The following ZBTB20 variants were observed in gnomAD, a reference collection of about 807,000 sequenced individuals.
ZBTB20 encodes the protein zinc finger and BTB domain-containing protein 20.
ZBTB20 carries 9 observed loss-of-function variants against 56.9 expected under a neutral mutation model. The ratio of observed to expected loss-of-function variants is 0.16; its 90% CI spans 0.10 to 0.28. The LOEUF is 0.28. ZBTB20 is among the 10% of genes least tolerant of loss of function. The pLI, the probability that ZBTB20 is intolerant of heterozygous loss-of-function variation, is 1.00. For synonymous variants in ZBTB20, 417 were observed against 420.7 expected, an observed-to-expected ratio of 0.99 and a Z score of 0.11; for missense variants, 655 against 1,003.0, an observed-to-expected ratio of 0.65 and a Z score of 4.69.
At chr3:114,426,936 T>C (rs538474300) in intron 7 of ZBTB20, among the ~76,000 whole-genome samples, 2 of 152,340 alleles carry the variant, frequency 1.3e-5, no homozygotes, top group East Asian at 3.9e-4. Flanking sequence ...CAAATTGGTA[T>C]AAAAAACAAA....
chr3:114,636,730 A>C (rs935243901), intron 6 of ZBTB20, among the ~76,000 whole-genome samples: 2 of 152,048 alleles, frequency 1.3e-5, no homozygotes, highest in Non-Finnish European at 2.9e-5. Context: ...ATCAAATCAC[A>C]AAAAAAGACA....
At chr3:114,427,889 A>G (rs1231991114) in intron 7 of ZBTB20, among the ~76,000 whole-genome samples, 2 of 152,198 alleles carry the variant, frequency 1.3e-5, no homozygotes, top group Non-Finnish European at 2.9e-5. Flanking sequence ...GGGAGAGGTT[A>G]TTGTTTGAAT....
intron 5 of ZBTB20, among the ~76,000 whole-genome samples, chr3:114,790,634 A>AT (rs2070886841): frequency 6.6e-6 from 1 of 151,608 alleles, no homozygotes; most frequent in African/African-American, 2.4e-5. Context: ...GTATTACTAA[A>AT]TTTTTACACA....
intron 7 of ZBTB20, among the ~76,000 whole-genome samples, chr3:114,434,568 G>GTGTGTGTGTGTGTGTGTGTGTGTA (rs2090380609): frequency 6.6e-6 from 1 of 151,718 alleles, no homozygotes; most frequent in African/African-American, 2.4e-5. Context: ...TTGTGTGTGT[G>GTGTGTGTGTGTGTGTGTGTGTGTA]TGTGTGTGTA....
intron 5 of ZBTB20, among the ~76,000 whole-genome samples, chr3:114,703,312 A>T (rs992030214): frequency 6.6e-6 from 1 of 152,186 alleles, no homozygotes; most frequent in African/African-American, 2.4e-5. Flanking sequence ...ATGGTAGACT[A>T]ATGACAGAAA....
intron 4 of ZBTB20, among the ~76,000 whole-genome samples, chr3:114,806,823 T>C (rs1430614939): frequency 6.6e-6 from 1 of 152,022 alleles, no homozygotes; most frequent in Non-Finnish European, 1.5e-5. Flanking sequence ...TATTCATTTA[T>C]ATCGCATATA....
At chr3:114,799,842 C>T (rs1041421981) in intron 5 of ZBTB20, among the ~76,000 whole-genome samples, 7 of 151,988 alleles carry the variant, frequency 4.6e-5, no homozygotes, top group Middle Eastern at 3.4e-3. Context: ...CGTGCATCAT[C>T]GCTTAACAAA....
At chr3:114,931,366 G>C in intron 3 of ZBTB20, 1 of 242,486 alleles carries the variant, frequency 4.1e-6, no homozygotes, top group Non-Finnish European at 8.3e-6. Flanking sequence ...TAGACTCCCA[G>C]AAAACCCTAA....
chr3:114,803,839 G>GA (rs2071899368), intron 4 of ZBTB20, among the ~76,000 whole-genome samples: 1 of 64,776 alleles, frequency 1.5e-5, no homozygotes, highest in Admixed American at 1.9e-4. Flanking sequence ...CTTTAAAATA[G>GA]ATTTCAGAGT....
At chr3:114,581,962 A>G (rs954171882) in intron 6 of ZBTB20, among the ~76,000 whole-genome samples, 15 of 152,200 alleles carry the variant, frequency 9.9e-5, no homozygotes, top group Non-Finnish European at 1.3e-4. Context: ...GTGATTGGGA[A>G]ACAATTAAAA....
chr3:114,497,277 A>G (rs968993074), intron 7 of ZBTB20, among the ~76,000 whole-genome samples: 1 of 152,042 alleles, frequency 6.6e-6, no homozygotes, highest in Non-Finnish European at 1.5e-5. Context: ...TAAAACATAC[A>G]TCTGCTTACA....
At chr3:115,117,703 T>A (rs2108639068) in intron 1 of ZBTB20, among the ~76,000 whole-genome samples, 1 of 152,276 alleles carries the variant, frequency 6.6e-6, no homozygotes, top group South Asian at 2.1e-4. Context: ...ATACAATATT[T>A]AGTTATGTAA....
Position 114,607,303 on chromosome 3 carries a change from A to ATTT in ZBTB20, c.-295+86222_-295+86224dup, listed in dbSNP as rs34327675. ...AGAAAAAGCATAAAACTGTTCATTC[A>ATTT]TTTTTTTTTTTTTTTTGAGACAGAG... On this transcript the variant is annotated intron_variant, in intron 6 of 11. Transcript: ENST00000675478. Among the ~76,000 whole-genome samples the ATTT allele has an allele frequency of 4.2e-4, 57 of 135,628 alleles. 1 individual carries two copies. Among genetic ancestry groups the ATTT allele is most frequent in the South Asian group, 3.3e-3 (14 of 4,222 alleles). The allele number at this position is 135,628 out of a possible 152,430, so 89.0% of individuals were successfully genotyped here.
In ZBTB20 at chr3:114,321,589, G is replaced by A. The variant is rs1328749155; in HGVS notation, c.*17416C>T. 6.6e-6 allele frequency: 1 copy of A among 152,056 alleles called. No individual in the cohort carries two copies. Among genetic ancestry groups the A allele is most frequent in the Non-Finnish European group, 1.5e-5 (1 of 68,002 alleles). 9.4% of individuals were successfully genotyped at this position (152,056 alleles called of 1,614,324 possible). A position where few individuals can be genotyped will look rare whatever the true frequency, so the allele number is the denominator to read the frequency against. On this transcript the variant is annotated 3_prime_UTR_variant, in exon 12 of 12. Transcript: ENST00000675478. ...CTAATTCACACAGATGGTTCCATATGGAAACAAAAAATAAAGAGAAAGAAC... is the reference window on the plus strand; with the variant it reads ...CTAATTCACACAGATGGTTCCATATAGAAACAAAAAATAAAGAGAAAGAAC...
chr3:114,451,163 T>G (rs1576818770), intron 7 of ZBTB20, among the ~76,000 whole-genome samples: 1 of 148,636 alleles, frequency 6.7e-6, no homozygotes, highest in Non-Finnish European at 1.5e-5. Flanking sequence ...CACAGACACA[T>G]CGTTCACTAT....
intron 2 of ZBTB20, among the ~76,000 whole-genome samples, chr3:115,040,606 GA>G (rs1338471706): frequency 1.3e-5 from 2 of 152,134 alleles, no homozygotes; most frequent in Non-Finnish European, 2.9e-5. Flanking sequence ...ATAAAGTATG[GA>G]AAGAGTGAAA....
intron 6 of ZBTB20, among the ~76,000 whole-genome samples, chr3:114,593,690 A>G (rs2056031251): frequency 1.3e-5 from 2 of 151,848 alleles, no homozygotes; most frequent in African/African-American, 2.4e-5. Context: ...GGCCTAGGAG[A>G]TTTTGGAATA....
chr3:114,655,455 T>C, intron 6 of ZBTB20, among the ~76,000 whole-genome samples: 1 of 151,478 alleles, frequency 6.6e-6, no homozygotes, highest in Non-Finnish European at 1.5e-5. Flanking sequence ...GGTTTCACCT[T>C]GTTAGCCAGG....
intron 6 of ZBTB20, among the ~76,000 whole-genome samples, chr3:114,508,352 G>T (rs954647644): frequency 6.6e-6 from 1 of 152,140 alleles, no homozygotes; most frequent in Non-Finnish European, 1.5e-5. Flanking sequence ...ACAGCACAGG[G>T]TTAGATGAAC....
Sources: allele counts gnomAD v4.1 joint callset (sites outside exome capture counted in the v4.1 genomes callset), GRCh38; gene constraint gnomAD v4.1.1; transcripts MANE v1.5; gene names NCBI Gene and HGNC (gene_info 2026-07-23, HGNC 2026-07-21).